CPNE5: variants seen among roughly 807,000 people sequenced by gnomAD.
CPNE5 encodes the protein copine 5, also known as copine-5.
In CPNE5, 42 loss-of-function variants were observed where a neutral mutation model predicts 81.1. The observed-to-expected ratio is 0.52, with a 90% CI of 0.40 to 0.67. CPNE5 has a LOEUF of 0.67. CPNE5 is among the 30% of genes least tolerant of loss of function. CPNE5 has a pLI of 0.00. For missense variants in CPNE5, 612 were observed against 815.5 expected, an observed-to-expected ratio of 0.75 and a Z score of 3.04; for synonymous variants, 313 against 321.5, an observed-to-expected ratio of 0.97 and a Z score of 0.28.
rs770919613 is a variant in CPNE5 at position 36,794,631 on chromosome 6, C to A, written c.423G>T (p.Leu141=). 3 of 1,614,008 alleles carry A rather than the reference C, an allele frequency of 1.9e-6. 1 individual carries two copies. The South Asian group carries it at 3.3e-5, about 18-fold the overall frequency. Reference sequence around the variant, plus strand: ...GCATGGGTTTGCCCGTCCTGGAATTCAGGCTGAATGCGCCTATCCTGTGGA... The same window carrying A: ...GCATGGGTTTGCCCGTCCTGGAATTAAGGCTGAATGCGCCTATCCTGTGGA... The part of the protein sequence containing the change: ...EKPLTIGAFS[L]NSRTGKPMPA... The change falls in exon 7 of 21, where the codon CTG becomes CTT. Residue 141 remains leucine, a synonymous_variant. Transcript: ENST00000244751.
chr6:36,822,416 C>T (rs756834973), intron 2 of CPNE5, among the ~76,000 whole-genome samples: 16 of 151,936 alleles, frequency 1.1e-4, no homozygotes, highest in Non-Finnish European at 2.4e-4. Flanking sequence ...GGAGGGGTTG[C>T]GTTGGAGAAG....
chr6:36,799,895 A>G, intron 4 of CPNE5, 72 bp downstream of exon 4: 1 of 1,107,074 alleles, frequency 9.0e-7, no homozygotes, highest in Non-Finnish European at 1.4e-6. Flanking sequence ...CCTCAACCAC[A>G]GGTCTGTGGT....
At chr6:36,813,069 C>T (rs1006903802) in intron 3 of CPNE5, among the ~76,000 whole-genome samples, 10 of 152,338 alleles carry the variant, frequency 6.6e-5, no homozygotes, top group Non-Finnish European at 1.3e-4. Flanking sequence ...TGGCATTGAA[C>T]GAACTGGATC....
At chr6:36,743,823 AG>A in intron 19 of CPNE5, 61 bp from the exon 20 acceptor site, 1 of 1,412,330 alleles carries the variant, frequency 7.1e-7, no homozygotes, top group Non-Finnish European at 9.9e-7. Flanking sequence ...TGGCCCTAGC[AG>A]GAGAGTGGAC....
intron 3 of CPNE5, among the ~76,000 whole-genome samples, chr6:36,805,706 G>A (rs1464111097): frequency 1.3e-5 from 2 of 151,948 alleles, no homozygotes; most frequent in East Asian, 3.9e-4. Flanking sequence ...CAAATGAGAA[G>A]GAAGCCTGGA....
intron 10 of CPNE5, among the ~76,000 whole-genome samples, chr6:36,769,738 C>A (rs1358326054): frequency 6.6e-6 from 1 of 152,150 alleles, no homozygotes; most frequent in African/African-American, 2.4e-5. Flanking sequence ...CCCGTCTGAG[C>A]CTCAGCTTCT....
chr6:36,757,121 G>A (rs888684427), intron 12 of CPNE5, among the ~76,000 whole-genome samples: 12 of 152,118 alleles, frequency 7.9e-5, no homozygotes, highest in Admixed American at 3.3e-4. Context: ...GCAAAGTGAC[G>A]AGAGCCACCC....
intron 8 of CPNE5, among the ~76,000 whole-genome samples, chr6:36,780,210 G>C (rs779548031): frequency 6.6e-6 from 1 of 152,008 alleles, no homozygotes; most frequent in Non-Finnish European, 1.5e-5. Flanking sequence ...TGATCCGCCC[G>C]CCTCAGCCTC....
intron 12 of CPNE5, among the ~76,000 whole-genome samples, chr6:36,758,965 G>A (rs530340384): frequency 2.1e-4 from 32 of 152,228 alleles, no homozygotes; most frequent in Non-Finnish European, 3.1e-4. Context: ...AACAGCTTAA[G>A]TAGGCAAGCT....
chr6:36,809,042 C>G (rs1307137700), intron 3 of CPNE5, among the ~76,000 whole-genome samples: 1 of 152,180 alleles, frequency 6.6e-6, no homozygotes, highest in Non-Finnish European at 1.5e-5. Context: ...TTTCTCTACT[C>G]CCTAGCGCAG....
chr6:36,745,979 C>G (rs1582688099), intron 16 of CPNE5, among the ~76,000 whole-genome samples: 1 of 152,170 alleles, frequency 6.6e-6, no homozygotes, highest in Non-Finnish European at 1.5e-5. Context: ...GTGCAATCAT[C>G]TCCACAGGGC....
chr6:36,747,623 G>C (rs1490391336), intron 15 of CPNE5, among the ~76,000 whole-genome samples: 1 of 152,170 alleles, frequency 6.6e-6, no homozygotes, highest in African/African-American at 2.4e-5. Flanking sequence ...GGGCATTTTT[G>C]ATTGGTGCAA....
intron 3 of CPNE5, among the ~76,000 whole-genome samples, chr6:36,820,335 CTTTTT>C (rs1163633243): frequency 1.1e-5 from 1 of 92,384 alleles, no homozygotes. Flanking sequence ...CTAATCCATT[CTTTTT>C]TTTTTTTTTT....
At chr6:36,798,344 G>A in intron 5 of CPNE5, 103 bp from the exon 6 acceptor site, 1 of 1,502,874 alleles carries the variant, frequency 6.7e-7, no homozygotes, top group Non-Finnish European at 9.3e-7. Context: ...GCCCTTAAAT[G>A]ACAGGACGCA....
chr6:36,743,556 C>T, intron 20 of CPNE5, 133 bp downstream of exon 20: 1 of 859,138 alleles, frequency 1.2e-6, no homozygotes, highest in Non-Finnish European at 1.9e-6. Flanking sequence ...TCGGTGGTGG[C>T]TGGGCCACTT....
intron 8 of CPNE5, among the ~76,000 whole-genome samples, chr6:36,789,531 C>G (rs1264797588): frequency 6.6e-6 from 1 of 152,224 alleles, no homozygotes; most frequent in Non-Finnish European, 1.5e-5. Flanking sequence ...CAGATGCACC[C>G]TTTCCTAGGC....
chr6:36,806,487 G>A (rs150665946), intron 3 of CPNE5, among the ~76,000 whole-genome samples: 379 of 152,178 alleles, frequency 2.5e-3, no homozygotes, highest in Middle Eastern at 6.8e-3. Flanking sequence ...TTCTCCCATC[G>A]CCACGGCAAG....
In CPNE5 at chr6:36,742,478, G is replaced by T; in HGVS notation, c.1572C>A (p.Pro524=). 17 of 1,611,618 alleles carry T rather than the reference G, an allele frequency of 1.1e-5. No individual in the cohort carries two copies. Among genetic ancestry groups the T allele is most frequent in the Non-Finnish European group, 1.4e-5 (16 of 1,179,566 alleles). ...LAERDIVQFV[P]FRDYVDRTGN... ...CTGTGCGGTCCACGTAGTCCCGGAA[G>T]GGTACAAACTGGCAAGTGGGAGGGC... Residue 524 remains proline (P), a synonymous_variant, in exon 21 of 21, where the codon CCC becomes CCA. Coordinates refer to ENST00000244751, the MANE Select transcript of CPNE5 (RefSeq NM_020939.2).
At chr6:36,777,766 C>CCACACACACACACACACACA (rs34423091) in intron 9 of CPNE5, among the ~76,000 whole-genome samples, 2 of 109,468 alleles carry the variant, frequency 1.8e-5, no homozygotes, top group African/African-American at 7.9e-5. Context: ...CCCCCCCCCA[C>CCACACACACACACACACACA]CACACACACA....
Sources: allele counts gnomAD v4.1 joint callset (sites outside exome capture counted in the v4.1 genomes callset), GRCh38; gene constraint gnomAD v4.1.1; transcripts MANE v1.5; gene names NCBI Gene and HGNC (gene_info 2026-07-23, HGNC 2026-07-21).